The following RHOBTB2 variants were observed in gnomAD, a reference collection of about 807,000 sequenced individuals.
The protein encoded by RHOBTB2 is rho-related BTB domain-containing protein 2.
Under a neutral mutation model 66.5 loss-of-function variants are expected in RHOBTB2, and 39 were observed. The ratio of observed to expected loss-of-function variants is 0.59; its 90% CI spans 0.45 to 0.77. The LOEUF is 0.77. Among genes scored for constraint, RHOBTB2 ranks in the 30% least tolerant of loss-of-function variants. The probability of loss-of-function intolerance (pLI) is 0.00; values close to 1 mark genes in which losing one functional copy is unlikely to be tolerated. For synonymous variants in RHOBTB2, 390 were observed against 395.0 expected (o/e 0.99, Z 0.15); for missense variants, 755 against 999.1 (o/e 0.76, Z 3.29).
At chr8:22,987,733 G>T (rs1316749204) in intron 1 of RHOBTB2, among the ~76,000 whole-genome samples, 2 of 152,200 alleles carry the variant, frequency 1.3e-5, no homozygotes, top group African/African-American at 4.8e-5. Flanking sequence ...GAGCACGAGG[G>T]GTGGGGGCAA....
At chr8:22,992,950 T>C (rs536981403) in intron 2 of RHOBTB2, among the ~76,000 whole-genome samples, 1 of 152,250 alleles carries the variant, frequency 6.6e-6, no homozygotes, top group East Asian at 1.9e-4. Flanking sequence ...CAGACCAGAC[T>C]GGAAGTGGAT....
chr8:22,975,715 T>C, the RHOBTB2 span, among the ~76,000 whole-genome samples: 4 of 152,094 alleles, frequency 2.6e-5, no homozygotes, highest in African/African-American at 7.2e-5. Context: ...AACAGGCTTG[T>C]TGGAGCAAAA....
At chr8:22,958,384 C>T in the RHOBTB2 span, among the ~76,000 whole-genome samples, 536 of 152,196 alleles carry the variant, frequency 3.5e-3, 4 homozygotes, top group African/African-American at 0.012. Flanking sequence ...TAAATGCTGG[C>T]AAACTGGGGC....
At chr8:22,960,762 T>C in the RHOBTB2 span, among the ~76,000 whole-genome samples, 3 of 152,222 alleles carry the variant, frequency 2.0e-5, no homozygotes, top group Non-Finnish European at 2.9e-5. Flanking sequence ...AAGTTACACA[T>C]GAATTAGTAT....
At chr8:22,970,346 T>C in the RHOBTB2 span, among the ~76,000 whole-genome samples, 1 of 152,124 alleles carries the variant, frequency 6.6e-6, no homozygotes, top group Non-Finnish European at 1.5e-5. Flanking sequence ...GGAGCCCTCA[T>C]GACCTAATCA....
the RHOBTB2 span, among the ~76,000 whole-genome samples, chr8:22,965,601 GAGA>G: frequency 6.6e-6 from 1 of 152,192 alleles, no homozygotes; most frequent in Non-Finnish European, 1.5e-5. Context: ...CAGTGGAATA[GAGA>G]AGAAGCCCAG....
the RHOBTB2 span, among the ~76,000 whole-genome samples, chr8:22,976,906 G>A: frequency 1.3e-5 from 2 of 151,708 alleles, no homozygotes; most frequent in African/African-American, 4.8e-5. Context: ...GATTACAGGC[G>A]TGAGCCACTG....
At chr8:23,016,522 A>G (rs1811296150) in intron 9 of RHOBTB2, among the ~76,000 whole-genome samples, 1 of 151,946 alleles carries the variant, frequency 6.6e-6, no homozygotes, top group Non-Finnish European at 1.5e-5. Flanking sequence ...AGTGATTCTC[A>G]TGCCTCAGCC....
At chr8:22,978,140 A>G in the RHOBTB2 span, 1 of 151,904 alleles carries the variant, frequency 6.6e-6, no homozygotes, top group African/African-American at 2.4e-5. Context: ...AAAAAGAAAA[A>G]TATCTTCTTT....
intron 7 of RHOBTB2, among the ~76,000 whole-genome samples, chr8:23,010,964 T>TAG (rs1811128924): frequency 1.3e-5 from 2 of 152,170 alleles, no homozygotes; most frequent in Admixed American, 6.5e-5. Flanking sequence ...GCACAGAGGC[T>TAG]CACACCTATA....
In RHOBTB2 at chr8:23,014,728, A is replaced by G; in HGVS notation, c.1810A>G (p.Met604Val). Residue 604 changes from methionine (M) to valine (V), a missense_variant, in exon 8 of 10, where the codon ATG becomes GTG. Met to Val is a conservative substitution (Grantham distance 21, BLOSUM62 1). Coordinates refer to ENST00000251822, the MANE Select transcript of RHOBTB2 (RefSeq NM_015178.3). ...TVTGLMEATQMMVDIDGDVLV... is the reference protein window; with the variant it reads ...TVTGLMEATQVMVDIDGDVLV... ...GACCGGGCTGATGGAAGCGACCCAGATGATGGTGGACATCGATGGGGACGT... is the reference window on the plus strand; with the variant it reads ...GACCGGGCTGATGGAAGCGACCCAGGTGATGGTGGACATCGATGGGGACGT... 6.2e-7 allele frequency: 1 copy of G among 1,614,152 alleles called. No homozygotes were observed.
the RHOBTB2 span, among the ~76,000 whole-genome samples, chr8:22,981,954 C>G: frequency 1.3e-5 from 2 of 152,238 alleles, no homozygotes; most frequent in Non-Finnish European, 2.9e-5. Context: ...CCACCTGCCC[C>G]CCGATACCAG....
Position 23,007,166 on chromosome 8 carries a change from C to G in RHOBTB2, c.921C>G (p.Gly307=), listed in dbSNP as rs1182807363. ...ACCTGAGTGAGGGGGAGCTGGGGGGCCCCTCGGAGCCAGGGGGCACCCACC... is the reference window on the plus strand; with the variant it reads ...ACCTGAGTGAGGGGGAGCTGGGGGGGCCCTCGGAGCCAGGGGGCACCCACC... The part of the protein sequence containing the change: ...LMDLSEGELG[G]PSEPGGTHPE... The change falls in exon 5 of 10, where the codon GGC becomes GGG. Residue 307 remains glycine (G), a synonymous_variant. Coordinates refer to ENST00000251822, the MANE Select transcript of RHOBTB2 (RefSeq NM_015178.3). 6.2e-7 allele frequency: 1 copy of G among 1,603,762 alleles called. No homozygotes were observed. The highest frequency in any genetic ancestry group is 1.3e-5 in the African/African-American group (1 of 74,894).
Position 23,006,017 on chromosome 8 carries a change from C to G in RHOBTB2, c.354C>G (p.Val118=), listed in dbSNP as rs746888224. Residue 118 remains valine (V), a synonymous_variant, in exon 4 of 10, where the codon GTC becomes GTG. Coordinates refer to ENST00000251822, the MANE Select transcript of RHOBTB2 (RefSeq NM_015178.3). The surrounding 1 kb of genome is among the most constrained non-coding windows in gnomAD (Gnocchi z 6.1). ...CCAACCCCAATTCCCTCCACCATGT[C>G]AAGACCATGTGGTACCCAGAAATCA... is the stretch of plus-strand genomic sequence containing the variant. ...SIANPNSLHH[V]KTMWYPEIKH... is the part of the protein sequence containing the mutation. 1 of 1,614,060 alleles carries G rather than the reference C, an allele frequency of 6.2e-7. No homozygotes were observed. The highest frequency in any genetic ancestry group is 1.7e-5 in the Admixed American group (1 of 60,014).
At chr8:22,997,900 C>T (rs1291905631), upstream of RHOBTB2, among the ~76,000 whole-genome samples, 1 of 152,204 alleles carries the variant, frequency 6.6e-6, no homozygotes, top group Non-Finnish European at 1.5e-5. Context: ...TAAGTCTCTT[C>T]AATGCCAAAC....
chr8:22,979,662 T>G, the RHOBTB2 span, among the ~76,000 whole-genome samples: 1 of 152,038 alleles, frequency 6.6e-6, no homozygotes, highest in Middle Eastern at 3.4e-3. Context: ...ATTTTGTTAG[T>G]AGAGTTTTCT....
the RHOBTB2 span, among the ~76,000 whole-genome samples, chr8:22,955,517 A>G: frequency 2.0e-5 from 3 of 150,172 alleles, no homozygotes; most frequent in Non-Finnish European, 3.0e-5. Flanking sequence ...TTCTGCTTCC[A>G]TTGTGGAAAC....
the RHOBTB2 span, among the ~76,000 whole-genome samples, chr8:22,952,540 A>T: frequency 6.6e-6 from 1 of 152,174 alleles, no homozygotes; most frequent in African/African-American, 2.4e-5. Flanking sequence ...TAGAAGAAGG[A>T]ATTTACCTGA....
chr8:23,010,005 G>A (rs949987620), intron 6 of RHOBTB2, among the ~76,000 whole-genome samples: 7 of 152,186 alleles, frequency 4.6e-5, no homozygotes, highest in Non-Finnish European at 8.8e-5. Context: ...AGCTGCTGTG[G>A]GCCTTACTTA....
Sources: allele counts gnomAD v4.1 joint callset (sites outside exome capture counted in the v4.1 genomes callset), GRCh38; gene constraint gnomAD v4.1.1; non-coding constraint Gnocchi (gnomAD v3.1); transcripts MANE v1.5; gene names NCBI Gene and HGNC (gene_info 2026-07-23, HGNC 2026-07-21).